Variants in RAB31 observed in about 807,000 individuals in gnomAD.
The protein encoded by RAB31 is ras-related protein Rab-31.
RAB31 carries 21 observed loss-of-function variants against 25.6 expected under a neutral mutation model. The ratio of observed to expected loss-of-function variants is 0.82; its 90% CI spans 0.58 to 1.18. RAB31 has a LOEUF of 1.18. Among genes scored for constraint, RAB31 ranks in the 50% most tolerant of loss-of-function variants. The pLI, the probability that RAB31 is intolerant of heterozygous loss-of-function variation, is 0.00. For missense variants in RAB31, 196 were observed against 250.1 expected, an observed-to-expected ratio of 0.78 and a Z score of 1.46; for synonymous variants, 87 against 84.0, an observed-to-expected ratio of 1.04 and a Z score of -0.20.
At chr18:9,792,033 G>A in intron 2 of RAB31, 121 bp from the exon 3 acceptor site, 1 of 1,356,758 alleles carries the variant, frequency 7.4e-7, no homozygotes, top group South Asian at 1.6e-5. Context: ...TCGTCTTAGT[G>A]GTTCCCAAGG....
At chr18:9,839,628 A>G (rs1416900541) in intron 5 of RAB31, among the ~76,000 whole-genome samples, 2 of 152,116 alleles carry the variant, frequency 1.3e-5, no homozygotes, top group African/African-American at 4.8e-5. Context: ...TGTAGGTGAG[A>G]GGTGGTTGGT....
intron 6 of RAB31, among the ~76,000 whole-genome samples, chr18:9,852,975 A>T (rs1243860069): frequency 6.6e-6 from 1 of 152,120 alleles, no homozygotes; most frequent in East Asian, 1.9e-4. Context: ...GCATTTTCCT[A>T]ATGACTAGTA....
At chr18:9,840,303 G>C (rs934040800) in intron 5 of RAB31, among the ~76,000 whole-genome samples, 4 of 152,132 alleles carry the variant, frequency 2.6e-5, no homozygotes, top group African/African-American at 9.7e-5. Context: ...ACCTTGGCTT[G>C]GGTGAACTCG....
In RAB31 at chr18:9,711,795, T is replaced by C. The variant is rs185855340; in HGVS notation, c.39+3351T>C. The stretch of plus-strand genomic sequence containing the variant: ...AGAATCACTTTCTGTCGGGTTTCCC[T>C]TATAAGGTGATAGAGAACATAGACT... On this transcript the variant is annotated intron_variant, in intron 1 of 6. Transcript: ENST00000578921. Among the ~76,000 whole-genome samples the C allele has an allele frequency of 1.2e-3, 186 of 152,344 alleles. 1 individual carries two copies. Among genetic ancestry groups the C allele is most frequent in the Non-Finnish European group, 1.5e-3 (104 of 68,038 alleles).
chr18:9,778,970 CATTA>C (rs1465190417), intron 2 of RAB31, among the ~76,000 whole-genome samples: 1 of 152,162 alleles, frequency 6.6e-6, no homozygotes, highest in African/African-American at 2.4e-5. Context: ...ATTTACTATT[CATTA>C]AGTGGAAATG....
intron 6 of RAB31, chr18:9,849,708 G>T (rs1180375453): frequency 6.6e-6 from 1 of 152,320 alleles, no homozygotes; most frequent in African/African-American, 2.4e-5. Context: ...AGGCCTCCCC[G>T]GGGAAATGAT....
intron 1 of RAB31, among the ~76,000 whole-genome samples, chr18:9,769,670 T>A (rs2068334149): frequency 6.6e-6 from 1 of 152,240 alleles, no homozygotes; most frequent in Non-Finnish European, 1.5e-5. Flanking sequence ...CCTATTTGAA[T>A]ACCCTTTTTT....
chr18:9,851,187 C>CA (rs144282862), intron 6 of RAB31, among the ~76,000 whole-genome samples: 10,522 of 152,032 alleles, frequency 0.069, 513 homozygotes, highest in Non-Finnish European at 0.1. Context: ...TTTCTCACCC[C>CA]AAAAAAAGTT....
At chr18:9,836,549 T>TC (rs1234894390) in intron 5 of RAB31, among the ~76,000 whole-genome samples, 1 of 152,144 alleles carries the variant, frequency 6.6e-6, no homozygotes, top group African/African-American at 2.4e-5. Flanking sequence ...CTTTTTATAG[T>TC]CCCCCCTACA....
At chr18:9,733,330 A>G (rs2068132875) in intron 1 of RAB31, among the ~76,000 whole-genome samples, 1 of 152,178 alleles carries the variant, frequency 6.6e-6, no homozygotes, top group African/African-American at 2.4e-5. Context: ...CCAGGTTAGA[A>G]CCATCCGACG....
In RAB31 at chr18:9,727,939, G is replaced by A. The variant is rs2068103369; in HGVS notation, c.39+19495G>A. Among the ~76,000 whole-genome samples the A allele has an allele frequency of 2.0e-5, 3 of 152,124 alleles. No individual in the cohort carries two copies. In the South Asian group the frequency reaches 6.2e-4, roughly 32 times the overall value. ...ATCTTTTTTGTGGTAAGAATACTTT[G>A]AGATCTACTCTCTTAGCAAATAGAT... On this transcript the variant is annotated intron_variant, in intron 1 of 6. Coordinates refer to ENST00000578921, the MANE Select transcript of RAB31 (RefSeq NM_006868.4).
chr18:9,748,920 A>G (rs1016390808), intron 1 of RAB31, among the ~76,000 whole-genome samples: 6 of 152,096 alleles, frequency 3.9e-5, no homozygotes, highest in South Asian at 4.1e-4. Context: ...AATAAATATA[A>G]GAAATGTATA....
chr18:9,832,711 C>T (rs916999634), intron 5 of RAB31, among the ~76,000 whole-genome samples: 3 of 152,196 alleles, frequency 2.0e-5, no homozygotes, highest in Non-Finnish European at 4.4e-5. Flanking sequence ...CAGGACATGG[C>T]AGTCCCTCAG....
At chr18:9,769,251 T>A (rs1048674278) in intron 1 of RAB31, among the ~76,000 whole-genome samples, 8 of 152,230 alleles carry the variant, frequency 5.3e-5, no homozygotes, top group Non-Finnish European at 1.0e-4. Flanking sequence ...GGTAGCTTGA[T>A]GGGGATAGCA....
chr18:9,811,714 C>T (rs1291707979), intron 3 of RAB31, among the ~76,000 whole-genome samples: 1 of 152,154 alleles, frequency 6.6e-6, no homozygotes, highest in East Asian at 1.9e-4. Flanking sequence ...CAGAGACATA[C>T]TCCCACATAC....
chr18:9,756,383 T>C (rs2068260551), intron 1 of RAB31, among the ~76,000 whole-genome samples: 2 of 152,214 alleles, frequency 1.3e-5, no homozygotes, highest in African/African-American at 2.4e-5. Context: ...TGGAAGTGTA[T>C]TGACTGCTTG....
At chr18:9,843,003 T>C (rs990901081) in intron 5 of RAB31, among the ~76,000 whole-genome samples, 16 of 152,248 alleles carry the variant, frequency 1.1e-4, no homozygotes, top group Admixed American at 4.6e-4. Context: ...CTGTGGTACA[T>C]GATAACTGTT....
rs1040277625 is a variant in RAB31, at chr18:9,859,389, G to T, written c.*64G>T. The T allele has an allele frequency of 7.1e-7, 1 of 1,417,050 alleles. No individual in the cohort carries two copies. The highest frequency in any genetic ancestry group is 9.9e-7 in the Non-Finnish European group (1 of 1,013,170). 87.8% of individuals were successfully genotyped at this position (1,417,050 alleles called of 1,614,324 possible). ...GCCCACATCCTGTGCACTGCTGAAG[G>T]ACCCTACGCTCGGTGGCCTGGCACC... On this transcript the variant is annotated 3_prime_UTR_variant, in exon 7 of 7. Transcript: ENST00000578921.
chr18:9,738,501 C>T (rs539223473), intron 1 of RAB31, among the ~76,000 whole-genome samples: 1 of 152,214 alleles, frequency 6.6e-6, no homozygotes, highest in African/African-American at 2.4e-5. Flanking sequence ...CCATAAAAAC[C>T]CAAAAGGGTG....
Sources: allele counts gnomAD v4.1 joint callset (sites outside exome capture counted in the v4.1 genomes callset), GRCh38; gene constraint gnomAD v4.1.1; transcripts MANE v1.5; gene names NCBI Gene and HGNC (gene_info 2026-07-23, HGNC 2026-07-21).